The following ICAM1 variants were observed in gnomAD, a reference collection of about 807,000 sequenced individuals.
The protein encoded by ICAM1 is ICAM-1.
Under a neutral mutation model 42.3 loss-of-function variants are expected in ICAM1, and 28 were observed. That is an observed-to-expected ratio of 0.66 (90% CI 0.49 to 0.91). ICAM1 has a LOEUF of 0.91. Among genes scored for constraint, ICAM1 ranks in the 40% least tolerant of loss-of-function variants. ICAM1 has a pLI of 0.00. For synonymous variants in ICAM1, 304 were observed against 305.9 expected (o/e 0.99, Z 0.07); for missense variants, 637 against 688.6 (o/e 0.93, Z 0.84).
chr19:10,284,926 G>A lies in ICAM1; in HGVS notation c.1324G>A (p.Gly442Arg), dbSNP rs374722531. Reference protein sequence around the residue: ...LKDGTFPLPIGESVTVTRDLE... With the variant: ...LKDGTFPLPIRESVTVTRDLE... The stretch of plus-strand genomic sequence containing the variant: ...GGATGGCACTTTCCCACTGCCCATC[G>A]GGGAATCAGTGACTGTCACTCGAGA... Residue 442 changes from glycine to arginine, a missense_variant, in exon 6 of 7, where the codon GGG becomes AGG. By Grantham distance (125) the Gly-to-Arg change is moderately radical (BLOSUM62 -2). Transcript: ENST00000264832. This position sits in a 1 kb window ranked among gnomAD's most constrained non-coding sequence, Gnocchi z 5.4. 96 of 1,607,676 alleles carry A rather than the reference G, an allele frequency of 6.0e-5. No individual in the cohort carries two copies. Among genetic ancestry groups the A allele is most frequent in the Non-Finnish European group, 7.9e-5 (93 of 1,176,262 alleles).
intron 1 of ICAM1, among the ~76,000 whole-genome samples, chr19:10,271,861 G>A (rs5030390): frequency 0.051 from 7,739 of 152,022 alleles, 261 homozygotes; most frequent in Middle Eastern, 0.082. Flanking sequence ...GAAGTGGGAC[G>A]CCCCAGCACA....
intron 2 of ICAM1, among the ~76,000 whole-genome samples, chr19:10,282,628 C>T (rs1030343001): frequency 1.3e-5 from 2 of 152,088 alleles, no homozygotes; most frequent in Non-Finnish European, 2.9e-5. Flanking sequence ...TCAAGTGACC[C>T]TCTTGCCTTG....
rs746094900 is a variant in ICAM1, at chr19:10,284,396, A to G, written c.926-7A>G. The G allele has an allele frequency of 6.8e-6, 11 of 1,612,622 alleles. No homozygotes were observed. The South Asian group carries it at 1.1e-4, about 16-fold the overall frequency. Reference sequence around the variant, plus strand: ...CCGGGGCGGGGCTCACTGTGTGCCTATTCCAGGCTTTCCGGCGCCCAACGT... The same window carrying G: ...CCGGGGCGGGGCTCACTGTGTGCCTGTTCCAGGCTTTCCGGCGCCCAACGT... On this transcript the variant is annotated splice_region_variant and splice_polypyrimidine_tract_variant and intron_variant, in intron 4 of 6. Transcript: ENST00000264832. The surrounding 1 kb of genome is among the most constrained non-coding windows in gnomAD (Gnocchi z 5.4).
chr19:10,272,969 G>A (rs2145487864), intron 1 of ICAM1, among the ~76,000 whole-genome samples: 1 of 152,250 alleles, frequency 6.6e-6, no homozygotes, highest in South Asian at 2.1e-4. Flanking sequence ...CAAAGAGGGG[G>A]AAACTACGTG....
At position 10,285,249 on chromosome 19, in the gene ICAM1, A is replaced by T; in HGVS notation, c.1561A>T (p.Thr521Ser). The T allele has an allele frequency of 6.2e-7, 1 of 1,613,894 alleles. No homozygotes were observed. The highest frequency in any genetic ancestry group is 8.5e-7 in the Non-Finnish European group (1 of 1,179,974). Reference sequence around the variant, plus strand: ...CAGACTACAACAGGCCCAAAAAGGGACCCCCATGAAACCGAACACACAAGC... The same window carrying T: ...CAGACTACAACAGGCCCAAAAAGGGTCCCCCATGAAACCGAACACACAAGC... ...KYRLQQAQKG[T>S]PMKPNTQATP... The change falls in exon 7 of 7, where the codon ACC becomes TCC. Residue 521 changes from threonine to serine, a missense_variant. By Grantham distance (58) the Thr-to-Ser change is moderately conservative (BLOSUM62 1). Transcript: ENST00000264832.
chr19:10,285,415 C>A lies in ICAM1; in HGVS notation c.*128C>A. ...GGCCCTGGGACGCCGGAGGACAGGG[C>A]ATTGTCCTCAGTCAGATACAACAGC... On this transcript the variant is annotated 3_prime_UTR_variant, in exon 7 of 7. Transcript: ENST00000264832. 1 of 827,360 alleles carries A rather than the reference C, an allele frequency of 1.2e-6. No homozygotes were observed. Among genetic ancestry groups the A allele is most frequent in the Non-Finnish European group, 1.9e-6 (1 of 527,844 alleles). 51.3% of individuals were successfully genotyped at this position (827,360 alleles called of 1,614,324 possible).
intron 2 of ICAM1, among the ~76,000 whole-genome samples, chr19:10,276,372 C>T (rs1450946087): frequency 1.4e-4 from 21 of 149,880 alleles, no homozygotes; most frequent in African/African-American, 4.4e-4. Context: ...GGTGAAACCC[C>T]GTCTCTACTA....
At chr19:10,280,882 T>A (rs1002443579) in intron 2 of ICAM1, among the ~76,000 whole-genome samples, 2 of 138,730 alleles carry the variant, frequency 1.4e-5, no homozygotes, top group Non-Finnish European at 3.1e-5. Context: ...TTTTTTTTTT[T>A]TTTTTTTTTG....
At chr19:10,283,309 G>A (rs2040074376) in intron 2 of ICAM1, 172 bp from the exon 3 acceptor site, 1 of 600,828 alleles carries the variant, frequency 1.7e-6, no homozygotes, top group East Asian at 2.7e-5. Flanking sequence ...CAAACACTCG[G>A]GGCCCTCTTA....
In ICAM1 at chr19:10,285,399, A is replaced by C; in HGVS notation, c.*112A>C. Reference sequence around the variant, plus strand: ...TGCAGCTACACCTACCGGCCCTGGGACGCCGGAGGACAGGGCATTGTCCTC... The same window carrying C: ...TGCAGCTACACCTACCGGCCCTGGGCCGCCGGAGGACAGGGCATTGTCCTC... On this transcript the variant is annotated 3_prime_UTR_variant, in exon 7 of 7. Transcript: ENST00000264832. 1.0e-6 allele frequency: 1 copy of C among 997,516 alleles called. No homozygotes were observed. Among genetic ancestry groups the C allele is most frequent in the Non-Finnish European group, 1.5e-6 (1 of 676,770 alleles). 61.8% of individuals were successfully genotyped at this position (997,516 alleles called of 1,614,324 possible). A position where few individuals can be genotyped will look rare whatever the true frequency, so the allele number is the denominator to read the frequency against.
Position 10,284,885 on chromosome 19 carries a change from A to G in ICAM1, c.1283A>G (p.Glu428Gly), listed in dbSNP as rs2040091182. 10 of 1,595,572 alleles carry G rather than the reference A, an allele frequency of 6.3e-6. No homozygotes were observed. The highest frequency in any genetic ancestry group is 1.8e-5 in the Admixed American group (1 of 54,150). Reference sequence around the variant, plus strand: ...CAGGCTTGGGGGAACCCATTGCCCGAGCTCAAGTGTCTAAAGGATGGCACT... The same window carrying G: ...CAGGCTTGGGGGAACCCATTGCCCGGGCTCAAGTGTCTAAAGGATGGCACT... ...MCQAWGNPLP[E>G]LKCLKDGTFP... is the part of the protein sequence containing the mutation. Residue 428 changes from glutamate to glycine, a missense_variant, in exon 6 of 7, where the codon GAG becomes GGG. By Grantham distance (98) the Glu-to-Gly change is moderately conservative (BLOSUM62 -2). Transcript: ENST00000264832. This position sits in a 1 kb window ranked among gnomAD's most constrained non-coding sequence, Gnocchi z 5.4.
At chr19:10,279,715 C>T (rs777655577) in intron 2 of ICAM1, among the ~76,000 whole-genome samples, 69 of 151,964 alleles carry the variant, frequency 4.5e-4, no homozygotes, top group African/African-American at 1.4e-3. Flanking sequence ...AACGCCTGAC[C>T]GCAAGAGATC....
chr19:10,278,548 C>CTTTTTTGTTTTTTTTTTT (rs2040032466), intron 2 of ICAM1, among the ~76,000 whole-genome samples: 1 of 41,746 alleles, frequency 2.4e-5, no homozygotes, highest in African/African-American at 1.0e-4. Flanking sequence ...CCTGATAGGT[C>CTTTTTTGTTTTTTTTTTT]TTTTTTTTTT....
intron 2 of ICAM1, among the ~76,000 whole-genome samples, chr19:10,282,884 G>A (rs1293534290): frequency 6.6e-6 from 1 of 151,668 alleles, no homozygotes; most frequent in Non-Finnish European, 1.5e-5. Flanking sequence ...GTGGTGACAC[G>A]TGCCTGTAAT....
intron 1 of ICAM1, 47 bp downstream of exon 1, chr19:10,271,273 GGGAGGACCGGCT>G (rs2039978326): frequency 1.9e-6 from 3 of 1,552,434 alleles, no homozygotes; most frequent in Non-Finnish European, 2.7e-6. Context: ...CCGAAGCCCC[GGGAGGACCGGCT>G]CCCGGGTCAG....
rs118167853 is a variant in ICAM1, at chr19:10,276,592, C to T, written c.331+1564C>T. 7.3e-3 allele frequency among the ~76,000 whole-genome samples: 1,084 copies of T among 149,446 alleles called. 7 individuals are homozygous for T. Among genetic ancestry groups the T allele is most frequent in the Non-Finnish European group, 0.012 (831 of 67,512 alleles). On this transcript the variant is annotated intron_variant, in intron 2 of 6. Transcript: ENST00000264832. ...ATTGATAACAGCTGTGCTGCCAAGG[C>T]TATTGGAACGTAGGAGGTCCTAGGA... is the stretch of plus-strand genomic sequence containing the variant.
At position 10,284,325 on chromosome 19, in the gene ICAM1, G is replaced by C; in HGVS notation, c.925+5G>C. The C allele has an allele frequency of 6.2e-7, 1 of 1,613,132 alleles. No homozygotes were observed. The highest frequency in any genetic ancestry group is 8.5e-7 in the Non-Finnish European group (1 of 1,179,846). On this transcript the variant is annotated splice_donor_5th_base_variant and intron_variant, in intron 4 of 6. Transcript: ENST00000264832. This position sits in a 1 kb window ranked among gnomAD's most constrained non-coding sequence, Gnocchi z 5.4. ...TGCAGACAGTGACCATCTACAGTAAGAAGGGGCAGGGGCGGAGTGGGGCTT... is the reference window on the plus strand; with the variant it reads ...TGCAGACAGTGACCATCTACAGTAACAAGGGGCAGGGGCGGAGTGGGGCTT...
chr19:10,277,134 G>A (rs2040023252), intron 2 of ICAM1, among the ~76,000 whole-genome samples: 1 of 152,076 alleles, frequency 6.6e-6, no homozygotes, highest in Admixed American at 6.6e-5. Flanking sequence ...TATGAGAAGA[G>A]AGGCTGGGAG....
In ICAM1 at chr19:10,283,703, C is replaced by T. The variant is rs1441940436; in HGVS notation, c.554C>T (p.Ser185Leu). The T allele has an allele frequency of 4.3e-6, 7 of 1,613,926 alleles. No individual in the cohort carries two copies. The Admixed American group carries it at 5.0e-5, about 12-fold the overall frequency. Reference protein sequence around the residue: ...VRRDHHGANFSCRTELDLRPQ... With the variant: ...VRRDHHGANFLCRTELDLRPQ... ...AGAGATCACCATGGAGCCAATTTCT[C>T]GTGCCGCACTGAACTGGACCTGCGG... Residue 185 changes from serine (S) to leucine (L), a missense_variant, in exon 3 of 7, where the codon TCG (serine) becomes TTG (leucine). Ser to Leu is a moderately radical substitution (Grantham distance 145). Transcript: ENST00000264832.
Sources: gnomAD v4.1 joint callset for allele counts (sites outside exome capture counted in the v4.1 genomes callset) on GRCh38, gnomAD v4.1.1 for gene constraint, Gnocchi (gnomAD v3.1) non-coding constraint, MANE v1.5 for transcripts, NCBI Gene and HGNC (gene_info 2026-07-23, HGNC 2026-07-21) for gene names.